The following CALD1 variants were observed in gnomAD, a reference collection of about 807,000 sequenced individuals.
CALD1 encodes the protein caldesmon.
In CALD1, 33 loss-of-function variants were observed where a neutral mutation model predicts 99.9. That is an observed-to-expected ratio of 0.33 (90% CI 0.25 to 0.44). CALD1 has a LOEUF of 0.44. Among genes scored for constraint, CALD1 ranks in the 20% least tolerant of loss-of-function variants. The probability of loss-of-function intolerance (pLI) is 1.00; values close to 1 mark genes in which losing one functional copy is unlikely to be tolerated. For missense variants in CALD1, 861 were observed against 962.1 expected, an observed-to-expected ratio of 0.89 and a Z score of 1.39; for synonymous variants, 310 against 325.0, an observed-to-expected ratio of 0.95 and a Z score of 0.50.
At chr7:134,895,420 A>C (rs559897174) in intron 3 of CALD1, among the ~76,000 whole-genome samples, 24 of 152,004 alleles carry the variant, frequency 1.6e-4, no homozygotes, top group Admixed American at 9.2e-4. Context: ...AATTGCTAGG[A>C]GCTGTCCTTA....
chr7:134,798,160 A>G (rs1162830879), intron 1 of CALD1, among the ~76,000 whole-genome samples: 1 of 152,256 alleles, frequency 6.6e-6, no homozygotes, highest in Non-Finnish European at 1.5e-5. Context: ...TGTAATGTTC[A>G]CATTGTAGCT....
At chr7:134,881,643 G>T (rs1801609896) in intron 3 of CALD1, among the ~76,000 whole-genome samples, 1 of 152,184 alleles carries the variant, frequency 6.6e-6, no homozygotes, top group African/African-American at 2.4e-5. Flanking sequence ...TGCTGGTCAT[G>T]TGCTGTGTTT....
At chr7:134,963,420 T>C (rs1368215418) in intron 13 of CALD1, among the ~76,000 whole-genome samples, 1 of 152,214 alleles carries the variant, frequency 6.6e-6, no homozygotes, top group Non-Finnish European at 1.5e-5. Context: ...AACTGTGCAT[T>C]TTCAGTGTTA....
chr7:134,952,599 T>A (rs1807441044), intron 9 of CALD1, among the ~76,000 whole-genome samples: 1 of 151,780 alleles, frequency 6.6e-6, no homozygotes, highest in South Asian at 2.1e-4. Flanking sequence ...GCCTCTCGAG[T>A]AGCTGGGACT....
intron 3 of CALD1, among the ~76,000 whole-genome samples, chr7:134,896,232 A>T (rs1361078393): frequency 2.6e-5 from 4 of 152,144 alleles, no homozygotes; most frequent in Non-Finnish European, 5.9e-5. Flanking sequence ...TCCATCTTCG[A>T]GGGGCACCCT....
At chr7:134,894,259 C>T (rs146104135) in intron 3 of CALD1, among the ~76,000 whole-genome samples, 1 of 152,122 alleles carries the variant, frequency 6.6e-6, no homozygotes, top group African/African-American at 2.4e-5. Flanking sequence ...TGTCTAAATG[C>T]GTTCGGGGTA....
chr7:134,888,154 C>G (rs1216864936), intron 3 of CALD1, among the ~76,000 whole-genome samples: 3 of 152,196 alleles, frequency 2.0e-5, no homozygotes, highest in Admixed American at 2.0e-4. Context: ...ACCTTCCCAG[C>G]CCAGAATCTC....
chr7:134,967,160 G>A lies in CALD1; in HGVS notation c.2377-1180G>A, dbSNP rs1808735682. On this transcript the variant is annotated intron_variant, in intron 14 of 14. Transcript: ENST00000361675. The stretch of plus-strand genomic sequence containing the variant: ...AGATGATGTGGAATGGTCAGACTCA[G>A]AGAACACCACTCACATACAAACATG... Among the ~76,000 whole-genome samples, 5 of 152,272 alleles carry A rather than the reference G, an allele frequency of 3.3e-5. No individual in the cohort carries two copies. The South Asian group carries it at 8.3e-4, about 25-fold the overall frequency.
chr7:134,721,882 C>T, the CALD1 span, among the ~76,000 whole-genome samples: 2 of 152,230 alleles, frequency 1.3e-5, no homozygotes, highest in East Asian at 1.9e-4. Context: ...TGGGGTAGCT[C>T]GTGCTGTGTA....
Position 134,968,867 on chromosome 7 carries a change from A to G in CALD1, c.*522A>G, listed in dbSNP as rs1225951042. On this transcript the variant is annotated 3_prime_UTR_variant, in exon 15 of 15. Transcript: ENST00000361675. The stretch of plus-strand genomic sequence containing the variant: ...GCAATAATGGTTGTCTTTAAAAAAA[A>G]AAAAGAAATGTACTGTTAAGGTATT... 5.2e-6 allele frequency: 1 copy of G among 193,422 alleles called. No homozygotes were observed. The highest frequency in any genetic ancestry group is 2.3e-5 in the African/African-American group (1 of 43,280). 12.0% of individuals were successfully genotyped at this position (193,422 alleles called of 1,614,324 possible). A position where few individuals can be genotyped will look rare whatever the true frequency, so the allele number is the denominator to read the frequency against.
Position 134,793,829 on chromosome 7 carries a change from T to C in CALD1, c.-130+14080T>C, listed in dbSNP as rs78457978. The stretch of plus-strand genomic sequence containing the variant: ...CTCCATTTATGTACCATTTTTTTTT[T>C]TTAAACCTTTTATGTTCTGGTCCTT... On this transcript the variant is annotated intron_variant, in intron 1 of 14. Coordinates refer to ENST00000361675, the MANE Select transcript of CALD1 (RefSeq NM_033138.4). 3.6e-3 allele frequency among the ~76,000 whole-genome samples: 551 copies of C among 152,294 alleles called. 4 individuals are homozygous for C. The highest frequency in any genetic ancestry group is 0.025 in the South Asian group (122 of 4,824).
intron 9 of CALD1, 31 bp downstream of exon 9, chr7:134,950,545 A>G (rs191424264): frequency 1.3e-6 from 2 of 1,583,994 alleles, no homozygotes; most frequent in East Asian, 2.2e-5. Flanking sequence ...CTTCTATTAG[A>G]ATATGATAGA....
chr7:134,916,927 G>A (rs1804250765), intron 3 of CALD1, among the ~76,000 whole-genome samples: 1 of 152,188 alleles, frequency 6.6e-6, no homozygotes. Flanking sequence ...GACGACAGTG[G>A]AAATTTCTCT....
chr7:134,819,241 T>C (rs1798676470), intron 1 of CALD1, among the ~76,000 whole-genome samples: 1 of 152,192 alleles, frequency 6.6e-6, no homozygotes, highest in Non-Finnish European at 1.5e-5. Context: ...CCATGGCCTC[T>C]TGCTGACCTA....
At chr7:134,741,009 T>C (rs1046742697), upstream of CALD1, among the ~76,000 whole-genome samples, 4 of 152,134 alleles carry the variant, frequency 2.6e-5, no homozygotes, top group African/African-American at 7.2e-5. Context: ...CATAGCGAGG[T>C]TAGGTACCTT....
rs117548488 is a variant in CALD1, at chr7:134,935,573, G to C, written c.1309-115G>C. ...CTGTGCTGTGAGCGCTGAGACGGCAGAAGAGAAGCCATCCCACGCAGCACT... is the reference window on the plus strand; with the variant it reads ...CTGTGCTGTGAGCGCTGAGACGGCACAAGAGAAGCCATCCCACGCAGCACT... On this transcript the variant is annotated intron_variant, in intron 5 of 14. Transcript: ENST00000361675. 6 of 1,489,112 alleles carry C rather than the reference G, an allele frequency of 4.0e-6. No homozygotes were observed. The East Asian group carries it at 1.5e-4, about 38-fold the overall frequency. 92.2% of individuals were successfully genotyped at this position (1,489,112 alleles called of 1,614,324 possible).
intron 11 of CALD1, among the ~76,000 whole-genome samples, chr7:134,958,872 A>AATATATATATAT (rs58837080): frequency 5.5e-4 from 69 of 124,834 alleles, no homozygotes; most frequent in East Asian, 2.3e-3. Flanking sequence ...CTGGTATTTA[A>AATATATATATAT]ATATATATAT....
intron 3 of CALD1, chr7:134,920,622 T>G: frequency 7.8e-7 from 1 of 1,289,298 alleles, no homozygotes. Flanking sequence ...CGACCAACAC[T>G]GCCTTCTCTC....
At chr7:134,793,984 C>T (rs1464482941) in intron 1 of CALD1, among the ~76,000 whole-genome samples, 2 of 152,138 alleles carry the variant, frequency 1.3e-5, no homozygotes, top group Non-Finnish European at 2.9e-5. Flanking sequence ...CTTCTTCTCC[C>T]TTGATTTCCT....
Sources: allele counts gnomAD v4.1 joint callset (sites outside exome capture counted in the v4.1 genomes callset), GRCh38; gene constraint gnomAD v4.1.1; transcripts MANE v1.5; gene names NCBI Gene and HGNC (gene_info 2026-07-23, HGNC 2026-07-21).